Variants in MARCHF10 observed in about 807,000 individuals in gnomAD.
The protein encoded by MARCHF10 is probable E3 ubiquitin-protein ligase MARCHF10.
A neutral mutation model predicts 76.2 loss-of-function variants in MARCHF10; 64 were observed. The ratio of observed to expected loss-of-function variants is 0.84; its 90% CI spans 0.69 to 1.03. MARCHF10 has a LOEUF of 1.03. Ranked by LOEUF, MARCHF10 falls within the 50% of genes least tolerant of loss-of-function variation. The pLI, the probability that MARCHF10 is intolerant of heterozygous loss-of-function variation, is 0.00. For missense variants in MARCHF10, 875 were observed against 958.0 expected, an observed-to-expected ratio of 0.91 and a Z score of 1.14; for synonymous variants, 340 against 357.5, an observed-to-expected ratio of 0.95 and a Z score of 0.55.
At chr17:62,722,261 G>C (rs192812250) in intron 8 of MARCHF10, among the ~76,000 whole-genome samples, 61 of 128,722 alleles carry the variant, frequency 4.7e-4, no homozygotes, top group African/African-American at 1.8e-3. Flanking sequence ...CTGGGCGACA[G>C]AGTGAGACTC....
intron 4 of MARCHF10, among the ~76,000 whole-genome samples, chr17:62,757,757 A>G (rs145003194): frequency 0.032 from 4,806 of 152,320 alleles, 117 homozygotes; most frequent in Non-Finnish European, 0.047. Context: ...TGGTTTGTAG[A>G]GGCTTTTACT....
At chr17:62,744,231 C>G (rs958597490) in intron 5 of MARCHF10, 145 bp downstream of exon 5, 48 of 908,018 alleles carry the variant, frequency 5.3e-5, no homozygotes, top group Non-Finnish European at 1.8e-5. Flanking sequence ...ATACAATTTG[C>G]TTTTAAAGCT....
At chr17:62,724,768 T>C (rs2090668185) in intron 7 of MARCHF10, among the ~76,000 whole-genome samples, 170 bp downstream of exon 7, 1 of 152,140 alleles carries the variant, frequency 6.6e-6, no homozygotes, top group Admixed American at 6.5e-5. Context: ...CTCCCTCCCA[T>C]AGTTTAAAGA....
intron 4 of MARCHF10, 105 bp downstream of exon 4, chr17:62,759,730 C>G (rs1476240305): frequency 2.5e-6 from 3 of 1,212,154 alleles, no homozygotes; most frequent in Admixed American, 4.5e-5. Flanking sequence ...CTCAGCCTCT[C>G]AAAGTGCTGG....
chr17:62,744,653 G>C, intron 4 of MARCHF10, 125 bp from the exon 5 acceptor site: 1 of 992,686 alleles, frequency 1.0e-6, no homozygotes, highest in Non-Finnish European at 1.4e-6. Flanking sequence ...GTCAAGAGAA[G>C]GGACCCAGGA....
Position 62,712,061 on chromosome 17 carries a change from TG to T in MARCHF10, c.2215-718del, listed in dbSNP as rs2089962498. On this transcript the variant is annotated intron_variant, in intron 8 of 10. Coordinates refer to ENST00000311269, the MANE Select transcript of MARCHF10 (RefSeq NM_152598.4). The surrounding 1 kb of genome is among the most constrained non-coding windows in gnomAD (Gnocchi z 4.2). ...TCTGTCCTTAGCACTTGGGCTTTGC[TG>T]CCAAGAGTGGCTGTGCTCACTCTAG... Among the ~76,000 whole-genome samples the T allele has an allele frequency of 6.6e-6, 1 of 152,240 alleles. No individual in the cohort carries two copies. The highest frequency in any genetic ancestry group is 2.1e-4 in the South Asian group (1 of 4,836).
chr17:62,770,851 CTTT>C (rs35064058), intron 3 of MARCHF10, among the ~76,000 whole-genome samples: 3 of 83,626 alleles, frequency 3.6e-5, no homozygotes, highest in Admixed American at 1.6e-4. Context: ...TGTATTTTGA[CTTT>C]TTTTTTTTTT....
intron 3 of MARCHF10, among the ~76,000 whole-genome samples, chr17:62,783,958 G>A (rs1259497180): frequency 1.3e-5 from 2 of 152,136 alleles, no homozygotes; most frequent in African/African-American, 2.4e-5. Context: ...AAGAGGAGCT[G>A]GTACCATTCC....
intron 4 of MARCHF10, among the ~76,000 whole-genome samples, chr17:62,750,999 G>A (rs574501249): frequency 7.2e-5 from 11 of 152,276 alleles, no homozygotes; most frequent in East Asian, 1.9e-4. Context: ...TTTCTGCTGC[G>A]GAGGGGAAGC....
At chr17:62,786,104 T>A (rs994205764) in intron 3 of MARCHF10, among the ~76,000 whole-genome samples, 5 of 152,186 alleles carry the variant, frequency 3.3e-5, no homozygotes, top group African/African-American at 1.2e-4. Flanking sequence ...GTGGCACTAT[T>A]CACAATAGCA....
chr17:62,767,862 T>C (rs2092368607), intron 3 of MARCHF10, among the ~76,000 whole-genome samples: 2 of 152,218 alleles, frequency 1.3e-5, no homozygotes, highest in South Asian at 4.1e-4. Context: ...GTTGCCCATC[T>C]TGAACTGAAT....
rs755351595 is a variant in MARCHF10, at chr17:62,712,244, G to A, written c.2215-900C>T. On this transcript the variant is annotated intron_variant, in intron 8 of 10. Coordinates refer to ENST00000311269, the MANE Select transcript of MARCHF10 (RefSeq NM_152598.4). This position sits in a 1 kb window ranked among gnomAD's most constrained non-coding sequence, Gnocchi z 4.2. ...GTGCTCACAAAGCCACCCAGCCCCC[G>A]GGGAATAGAGTCCCCAGCAGAGGGC... Among the ~76,000 whole-genome samples the A allele has an allele frequency of 1.2e-4, 19 of 152,218 alleles. No individual in the cohort carries two copies. Among genetic ancestry groups the A allele is most frequent in the Non-Finnish European group, 2.2e-4 (15 of 68,050 alleles).
chr17:62,744,624 G>A, intron 4 of MARCHF10, 96 bp from the exon 5 acceptor site: 3 of 1,375,208 alleles, frequency 2.2e-6, no homozygotes, highest in Non-Finnish European at 3.0e-6. Context: ...GTTTGGGGGT[G>A]GGGTTAGGTG....
At chr17:62,724,105 G>T (rs1039291186) in intron 7 of MARCHF10, among the ~76,000 whole-genome samples, 2 of 151,964 alleles carry the variant, frequency 1.3e-5, no homozygotes, top group Admixed American at 6.6e-5. Context: ...GCTGTGGGGG[G>T]ATATGTTTTC....
At chr17:62,780,352 CTT>C (rs2092635641) in intron 3 of MARCHF10, among the ~76,000 whole-genome samples, 1 of 152,170 alleles carries the variant, frequency 6.6e-6, no homozygotes. Flanking sequence ...CTTGAAAAGA[CTT>C]TATTTTTTAT....
At chr17:62,789,079 A>AAG (rs1163552286) in intron 2 of MARCHF10, among the ~76,000 whole-genome samples, 1 of 150,212 alleles carries the variant, frequency 6.7e-6, no homozygotes, top group East Asian at 1.9e-4. Flanking sequence ...CAAAAAAAAA[A>AAG]AAAAAAAAAA....
At position 62,788,595 on chromosome 17, in the gene MARCHF10, C is replaced by T. The variant is rs2092785198; in HGVS notation, c.95G>A (p.Cys32Tyr). 2.5e-6 allele frequency: 4 copies of T among 1,614,046 alleles called. No individual in the cohort carries two copies. Among genetic ancestry groups the T allele is most frequent in the Non-Finnish European group, 3.4e-6 (4 of 1,180,010 alleles). The change falls in exon 3 of 11, where the codon TGT becomes TAT. Residue 32 changes from cysteine (C) to tyrosine (Y), a missense_variant. Cys to Tyr is a radical substitution (Grantham distance 194, BLOSUM62 -2). Transcript: ENST00000311269. Reference protein sequence around the residue: ...QHKVDSEYQACLRRQEYRRDP... With the variant: ...QHKVDSEYQAYLRRQEYRRDP... ...TCTTCTATATTCCTGTCGTCTCAGA[C>T]AAGCCTGAAGAACAACAACAATAAA...
rs201069417 is a variant in MARCHF10, at chr17:62,769,787, C to CT, written c.211-9782dup. ...AAGTATTTTCTTCCCCTTCCCCTTT[C>CT]TTTTTTCTTTTTATTATCATTGCAT... On this transcript the variant is annotated intron_variant, in intron 3 of 10. Coordinates refer to ENST00000311269, the MANE Select transcript of MARCHF10 (RefSeq NM_152598.4). Among the ~76,000 whole-genome samples, 53 of 152,230 alleles carry CT rather than the reference C, an allele frequency of 3.5e-4. No individual in the cohort carries two copies. In the East Asian group the frequency reaches 9.6e-3, roughly 28 times the overall value.
At chr17:62,735,187 C>T (rs1442837098) in intron 6 of MARCHF10, 1 of 152,132 alleles carries the variant, frequency 6.6e-6, no homozygotes, top group Non-Finnish European at 1.5e-5. Flanking sequence ...GAATCAATTT[C>T]CAGATCAGTA....
Sources: allele counts gnomAD v4.1 joint callset (sites outside exome capture counted in the v4.1 genomes callset), GRCh38; gene constraint gnomAD v4.1.1; non-coding constraint Gnocchi (gnomAD v3.1); transcripts MANE v1.5; gene names NCBI Gene and HGNC (gene_info 2026-07-23, HGNC 2026-07-21).